Variants in NAV1 observed in about 807,000 individuals in gnomAD.
NAV1 encodes neuron navigator 1.
Under a neutral mutation model 175.2 loss-of-function variants are expected in NAV1, and 18 were observed. The observed-to-expected ratio is 0.10, with a 90% confidence interval of 0.07 to 0.15. NAV1 has a LOEUF of 0.15. Ranked by LOEUF, NAV1 falls within the 10% of genes least tolerant of loss-of-function variation. The pLI is 1.00. For missense variants in NAV1, 1,731 were observed against 2,436.6 expected, an observed-to-expected ratio of 0.71 and a Z score of 6.10; for synonymous variants, 897 against 978.7, an observed-to-expected ratio of 0.92 and a Z score of 1.56.
intron 1 of NAV1, among the ~76,000 whole-genome samples, chr1:201,711,828 G>A (rs1671919961): frequency 6.6e-6 from 1 of 152,206 alleles, no homozygotes; most frequent in Admixed American, 6.5e-5. Flanking sequence ...CTGATGTGAA[G>A]TAAGTGCTTG....
At chr1:201,615,871 T>C (rs890405370) in intron 2 of NAV1, among the ~76,000 whole-genome samples, 1 of 152,206 alleles carries the variant, frequency 6.6e-6, no homozygotes, top group Non-Finnish European at 1.5e-5. Flanking sequence ...ATGTTGTTCC[T>C]GTTGATGCTT....
chr1:201,586,355 A>T (rs1336280333), intron 1 of NAV1, among the ~76,000 whole-genome samples: 1 of 152,216 alleles, frequency 6.6e-6, no homozygotes, highest in Non-Finnish European at 1.5e-5. Flanking sequence ...GTTTTGCAAC[A>T]TGATAAGAGT....
At chr1:201,542,617 G>A (rs1328019284) in intron 1 of NAV1, among the ~76,000 whole-genome samples, 2 of 152,070 alleles carry the variant, frequency 1.3e-5, no homozygotes, top group Admixed American at 1.3e-4. Flanking sequence ...CTCTTGAGAC[G>A]TGAAGCGAGG....
At chr1:201,704,381 C>T (rs969931744) in intron 1 of NAV1, among the ~76,000 whole-genome samples, 10 of 152,336 alleles carry the variant, frequency 6.6e-5, no homozygotes, top group African/African-American at 2.4e-4. Flanking sequence ...GCAACGCCCC[C>T]TTGTGGCCAT....
chr1:201,766,226 C>T (rs1675203378), intron 3 of NAV1, among the ~76,000 whole-genome samples: 1 of 152,226 alleles, frequency 6.6e-6, no homozygotes, highest in African/African-American at 2.4e-5. Context: ...GCCCCACCCT[C>T]TCTTCCTCTA....
rs567630510 is a variant in NAV1 at position 201,636,965 on chromosome 1, G to C, written c.4+7458G>C. On this transcript the variant is annotated intron_variant, in intron 2 of 29. Transcript: ENST00000367302. ...TGTGAAAGGCAACGTTCTCATCATG[G>C]CATTGGAACTCCCACCTATCACGCC... is the stretch of plus-strand genomic sequence containing the variant. Among the ~76,000 whole-genome samples the C allele has an allele frequency of 3.3e-5, 5 of 152,332 alleles. No individual in the cohort carries two copies. The East Asian group carries it at 9.6e-4, about 29-fold the overall frequency.
rs2102280602 is a variant in NAV1, at chr1:201,623,456, C to T, written c.-251C>T. 5 of 985,996 alleles carry T rather than the reference C, an allele frequency of 5.1e-6. No homozygotes were observed. In the South Asian group the frequency reaches 2.3e-4, roughly 46 times the overall value. 61.1% of individuals were successfully genotyped at this position (985,996 alleles called of 1,614,324 possible). Reference sequence around the variant, plus strand: ...TCTGGGACCCCCAGGTCTTTGGAGCCTGATGAGGGGGCAGCTTCGTGGGCT... The same window carrying T: ...TCTGGGACCCCCAGGTCTTTGGAGCTTGATGAGGGGGCAGCTTCGTGGGCT... On this transcript the variant is annotated 5_prime_UTR_variant, in exon 1 of 30. Transcript: ENST00000367302.
intron 3 of NAV1, among the ~76,000 whole-genome samples, chr1:201,751,386 T>C (rs969858508): frequency 6.6e-6 from 1 of 152,222 alleles, no homozygotes; most frequent in Non-Finnish European, 1.5e-5. Context: ...ACTGATTTGT[T>C]CCACGGCTGA....
At chr1:201,768,093 G>A (rs796554541) in intron 3 of NAV1, among the ~76,000 whole-genome samples, 4 of 152,264 alleles carry the variant, frequency 2.6e-5, no homozygotes, top group African/African-American at 9.6e-5. Flanking sequence ...GGGAGGCTGA[G>A]GGAGGCGGAT....
chr1:201,784,325 T>A (rs1188383469), intron 7 of NAV1, among the ~76,000 whole-genome samples: 2 of 152,052 alleles, frequency 1.3e-5, no homozygotes, highest in Admixed American at 1.3e-4. Context: ...GCACGGCTAA[T>A]TTTTGTATTT....
chr1:201,713,238 CCT>C (rs1238083057), intron 2 of NAV1, among the ~76,000 whole-genome samples: 1 of 152,212 alleles, frequency 6.6e-6, no homozygotes, highest in Non-Finnish European at 1.5e-5. Flanking sequence ...CTTCATTAGA[CCT>C]CTGTCTCCTC....
intron 1 of NAV1, among the ~76,000 whole-genome samples, chr1:201,579,544 T>C (rs892646393): frequency 6.6e-6 from 1 of 152,074 alleles, no homozygotes. Flanking sequence ...TTAGTAGAGA[T>C]GGAGTTTCAC....
At chr1:201,629,257 C>A (rs1668419924) in intron 1 of NAV1, 147 bp from the exon 4 acceptor site, 1 of 395,676 alleles carries the variant, frequency 2.5e-6, no homozygotes, top group Non-Finnish European at 4.5e-6. Context: ...TGTGCACATA[C>A]CCATCAGGGA....
chr1:201,612,622 G>T (rs531115373), intron 2 of NAV1, among the ~76,000 whole-genome samples: 14 of 152,302 alleles, frequency 9.2e-5, no homozygotes, highest in Middle Eastern at 3.4e-3. Context: ...GGGCAAACAG[G>T]TTCCTTCAAG....
At chr1:201,704,342 G>T (rs1218459792) in intron 1 of NAV1, among the ~76,000 whole-genome samples, 1 of 152,210 alleles carries the variant, frequency 6.6e-6, no homozygotes, top group African/African-American at 2.4e-5. Flanking sequence ...CGCTGCAGTC[G>T]CAGCAAGGCC....
At chr1:201,602,597 G>A (rs933254393) in intron 2 of NAV1, among the ~76,000 whole-genome samples, 3 of 151,266 alleles carry the variant, frequency 2.0e-5, no homozygotes, top group African/African-American at 7.3e-5. Flanking sequence ...CAAAGTGCTG[G>A]GTTTACAGGC....
intron 1 of NAV1, among the ~76,000 whole-genome samples, chr1:201,568,761 G>A (rs1404706409): frequency 2.4e-4 from 37 of 152,136 alleles, no homozygotes; most frequent in African/African-American, 7.2e-5. Flanking sequence ...GTATGTGCTC[G>A]GGAAAGAGGG....
At chr1:201,645,425 T>G, upstream of NAV1, among the ~76,000 whole-genome samples, 1 of 137,188 alleles carries the variant, frequency 7.3e-6, no homozygotes, top group African/African-American at 2.6e-5. Flanking sequence ...GGGGGAGGGA[T>G]AGCATTAGGA....
intron 1 of NAV1, among the ~76,000 whole-genome samples, chr1:201,679,883 T>C (rs1038534259): frequency 6.6e-6 from 1 of 152,260 alleles, no homozygotes; most frequent in Admixed American, 6.5e-5. Context: ...GGAATTCTTC[T>C]GTATGAGAGA....
Sources: allele counts gnomAD v4.1 joint callset (sites outside exome capture counted in the v4.1 genomes callset), GRCh38; gene constraint gnomAD v4.1.1; transcripts MANE v1.5; gene names NCBI Gene and HGNC (gene_info 2026-07-23, HGNC 2026-07-21).